LAMA4: variants seen among roughly 807,000 people sequenced by gnomAD.
LAMA4 encodes laminin subunit alpha 4.
A neutral mutation model predicts 207.1 loss-of-function variants in LAMA4; 127 were observed. That is an observed-to-expected ratio of 0.61 (90% CI 0.53 to 0.71). The LOEUF is 0.71. LAMA4 is among the 30% of genes least tolerant of loss of function. The pLI is 0.00. For synonymous variants in LAMA4, 761 were observed against 816.0 expected (o/e 0.93, Z 1.15); for missense variants, 2,093 against 2,246.5 (o/e 0.93, Z 1.38).
chr6:112,142,690 G>C (rs114121861), intron 19 of LAMA4, among the ~76,000 whole-genome samples: 42 of 152,196 alleles, frequency 2.8e-4, no homozygotes, highest in African/African-American at 9.6e-4. Context: ...AATACAGCTG[G>C]GACTTTGTCC....
At chr6:112,135,304 C>A (rs1779274903) in intron 25 of LAMA4, among the ~76,000 whole-genome samples, 1 of 152,144 alleles carries the variant, frequency 6.6e-6, no homozygotes, top group Admixed American at 6.5e-5. Context: ...CCCTGGTGAC[C>A]CCTATTGTAT....
At chr6:112,228,956 G>T (rs1785387197) in intron 2 of LAMA4, among the ~76,000 whole-genome samples, 2 of 152,204 alleles carry the variant, frequency 1.3e-5, no homozygotes, top group South Asian at 4.2e-4. Flanking sequence ...TTGATCTGGG[G>T]ACTATTCAGT....
chr6:112,124,154 G>A (rs1488693969), intron 31 of LAMA4, among the ~76,000 whole-genome samples: 1 of 152,210 alleles, frequency 6.6e-6, no homozygotes, highest in African/African-American at 2.4e-5. Context: ...CCTGTAGTGA[G>A]GGTGAGAGAA....
intron 2 of LAMA4, chr6:112,234,519 G>A (rs887163964): frequency 4.6e-5 from 7 of 151,828 alleles, no homozygotes; most frequent in African/African-American, 1.7e-4. Context: ...AATTCATGCT[G>A]ATTCATGACT....
At chr6:112,121,494 G>A (rs1444929560) in intron 32 of LAMA4, among the ~76,000 whole-genome samples, 2 of 152,188 alleles carry the variant, frequency 1.3e-5, no homozygotes, top group Non-Finnish European at 2.9e-5. Flanking sequence ...ATATTTGGGT[G>A]CTAAAACTGT....
At chr6:112,238,889 G>C (rs947277870) in intron 2 of LAMA4, among the ~76,000 whole-genome samples, 1 of 152,146 alleles carries the variant, frequency 6.6e-6, no homozygotes, top group Non-Finnish European at 1.5e-5. Context: ...ATTAAGAAAT[G>C]AGTTACTACT....
At chr6:112,204,578 G>A (rs1554353575) in intron 4 of LAMA4, among the ~76,000 whole-genome samples, 5 of 152,030 alleles carry the variant, frequency 3.3e-5, no homozygotes, top group Non-Finnish European at 7.4e-5. Context: ...CCAGCTATGA[G>A]GAAGTTGGAG....
intron 10 of LAMA4, among the ~76,000 whole-genome samples, chr6:112,176,687 A>G (rs1321108120): frequency 6.6e-6 from 1 of 152,200 alleles, no homozygotes; most frequent in African/African-American, 2.4e-5. Flanking sequence ...ATTCTCTGGC[A>G]TTTTGGTGCA....
At chr6:112,150,352 T>C (rs965982604) in intron 17 of LAMA4, 159 bp downstream of exon 17, 1 of 717,974 alleles carries the variant, frequency 1.4e-6, no homozygotes, top group African/African-American at 1.7e-5. Context: ...CTTTTTGTTT[T>C]CTAGAACTTT....
At chr6:112,125,727 A>G (rs1778651351) in intron 31 of LAMA4, among the ~76,000 whole-genome samples, 1 of 152,232 alleles carries the variant, frequency 6.6e-6, no homozygotes, top group South Asian at 2.1e-4. Context: ...TTGTTCAGCA[A>G]CATACTCAAA....
chr6:112,115,515 T>C (rs1190019444), intron 36 of LAMA4, among the ~76,000 whole-genome samples: 2 of 152,128 alleles, frequency 1.3e-5, no homozygotes, highest in African/African-American at 4.8e-5. Flanking sequence ...ATACATATTA[T>C]AGATATTTAG....
intron 15 of LAMA4, chr6:112,155,313 T>TG (rs1208160995): frequency 3.5e-6 from 2 of 571,052 alleles, no homozygotes; most frequent in Non-Finnish European, 6.2e-6. Context: ...CATATTTTTT[T>TG]TTTCAGGGAC....
intron 16 of LAMA4, among the ~76,000 whole-genome samples, chr6:112,153,320 G>C (rs1204383206): frequency 6.6e-6 from 1 of 152,116 alleles, no homozygotes; most frequent in Non-Finnish European, 1.5e-5. Context: ...ATCAAAGGAA[G>C]ACAGTCCTAT....
At chr6:112,245,009 G>A (rs1446743046) in intron 2 of LAMA4, among the ~76,000 whole-genome samples, 2 of 152,090 alleles carry the variant, frequency 1.3e-5, no homozygotes, top group African/African-American at 2.4e-5. Context: ...CAATTAAACC[G>A]CAGCCCATCT....
chr6:112,221,857 C>G (rs1266201527), intron 2 of LAMA4, among the ~76,000 whole-genome samples: 1 of 152,068 alleles, frequency 6.6e-6, no homozygotes, highest in African/African-American at 2.4e-5. Context: ...CAAAAATTTC[C>G]AAAATATTCC....
At chr6:112,244,649 A>C (rs953566422) in intron 2 of LAMA4, among the ~76,000 whole-genome samples, 6 of 152,158 alleles carry the variant, frequency 3.9e-5, no homozygotes. Context: ...TTACCCTGTG[A>C]CACGTGTACT....
chr6:112,232,664 A>C (rs151085449), intron 2 of LAMA4, among the ~76,000 whole-genome samples: 66 of 152,342 alleles, frequency 4.3e-4, no homozygotes, highest in African/African-American at 1.5e-3. Flanking sequence ...ATTCTGTTAC[A>C]GCACGTTTCT....
At chr6:112,172,829 T>G in intron 11 of LAMA4, 25 bp from the exon 12 acceptor site, 1 of 1,597,362 alleles carries the variant, frequency 6.3e-7, no homozygotes, top group Non-Finnish European at 8.6e-7. Flanking sequence ...AGATAAAGGC[T>G]CAGTGTGGCT....
At chr6:112,110,219 A>G (rs1458238688) in intron 38 of LAMA4, among the ~76,000 whole-genome samples, 2 of 152,250 alleles carry the variant, frequency 1.3e-5, no homozygotes, top group African/African-American at 2.4e-5. Context: ...TTAGAAATCT[A>G]GAAGAAGCCT....
Sources: gnomAD v4.1 joint callset for allele counts (sites outside exome capture counted in the v4.1 genomes callset) on GRCh38, gnomAD v4.1.1 for gene constraint, MANE v1.5 for transcripts, NCBI Gene and HGNC (gene_info 2026-07-23, HGNC 2026-07-21) for gene names.